Variants in NLRP5 observed in about 807,000 individuals in gnomAD.
NLRP5 encodes NACHT, LRR and PYD domains-containing protein 5.
A neutral mutation model predicts 113.1 loss-of-function variants in NLRP5; 93 were observed. The ratio of observed to expected loss-of-function variants is 0.82; its 90% CI spans 0.70 to 0.98. The LOEUF (loss-of-function observed/expected upper bound fraction) is 0.98. NLRP5 is among the 50% of genes least tolerant of loss of function. NLRP5 has a pLI of 0.00. For missense variants in NLRP5, 1,808 were observed against 1,514.3 expected, an observed-to-expected ratio of 1.19 and a Z score of -3.22; for synonymous variants, 751 against 600.7, an observed-to-expected ratio of 1.25 and a Z score of -3.66.
chr19:56,040,528 C>G (rs1016164989), intron 10 of NLRP5, among the ~76,000 whole-genome samples: 2 of 152,026 alleles, frequency 1.3e-5, no homozygotes, highest in African/African-American at 4.8e-5. Context: ...GATCATGCCA[C>G]TGCACTCCAG....
chr19:56,046,889 G>T (rs753760708), intron 11 of NLRP5, among the ~76,000 whole-genome samples: 1 of 152,170 alleles, frequency 6.6e-6, no homozygotes, highest in African/African-American at 2.4e-5. Flanking sequence ...TCCTGGACTT[G>T]TTGGTAATTT....
chr19:56,005,370 CAT>C (rs201524857), intron 2 of NLRP5, among the ~76,000 whole-genome samples: 6,992 of 144,896 alleles, frequency 0.048, 247 homozygotes, highest in South Asian at 0.081. Flanking sequence ...TATATACACA[CAT>C]ATATATTTAT....
rs750170824 is a variant in NLRP5, at chr19:56,003,714, A to C, written c.63-2A>C. Reference sequence around the variant, plus strand: ...GAATTTGCTGCAAGATCCTCTTTTAAGTCTTGTCACTCTTTCCACAGGTCC... The same window carrying C: ...GAATTTGCTGCAAGATCCTCTTTTACGTCTTGTCACTCTTTCCACAGGTCC... On this transcript the variant is annotated splice_acceptor_variant, in intron 1 of 14. Transcript: ENST00000390649. LOFTEE classifies it high-confidence loss of function. 6.3e-7 allele frequency: 1 copy of C among 1,585,884 alleles called. No homozygotes were observed. The highest frequency in any genetic ancestry group is 1.8e-5 in the Admixed American group (1 of 54,434).
At chr19:56,030,714 C>CTTCTTCTTTTTTTTTTTTTTTTT (rs1555767859) in intron 7 of NLRP5, among the ~76,000 whole-genome samples, 2 of 71,352 alleles carry the variant, frequency 2.8e-5, no homozygotes, top group African/African-American at 1.4e-4. Flanking sequence ...CTTTCTTCTT[C>CTTCTTCTTTTTTTTTTTTTTTTT]TTTTTTTTTT....
chr19:55,988,425 AAT>A, the NLRP5 span: 13 of 85,102 alleles, frequency 1.5e-4, no homozygotes, highest in East Asian at 6.6e-4. Flanking sequence ...TATACACATA[AAT>A]ATATATATGT....
chr19:56,027,092 A>G lies in NLRP5; in HGVS notation c.859A>G (p.Lys287Glu). The G allele has an allele frequency of 1.3e-6, 2 of 1,569,336 alleles. No individual in the cohort carries two copies. The highest frequency in any genetic ancestry group is 1.7e-6 in the Non-Finnish European group (2 of 1,157,278). ...GCCTCGCACGGTGGTTCTGCACGGA[A>G]AGTCAGGAATTGGGAAATCGGCTCT... Residue 287 changes from lysine (K) to glutamate (E), a missense_variant, in exon 7 of 15, where the codon AAG becomes GAG. Lys to Glu is a moderately conservative substitution (Grantham distance 56). Coordinates refer to ENST00000390649, the MANE Select transcript of NLRP5 (RefSeq NM_153447.4).
chr19:56,019,298 A>G (rs306428), intron 4 of NLRP5, 44 bp from the exon 5 acceptor site: 370,207 of 1,602,624 alleles, frequency 0.23, 44,714 homozygotes, highest in African/African-American at 0.38. Flanking sequence ...TCTCTGACTC[A>G]AATAATAAAC....
Position 56,058,366 on chromosome 19 carries a change from G to T in NLRP5, c.3426G>T (p.Leu1142=). 6.2e-7 allele frequency: 1 copy of T among 1,614,026 alleles called. No individual in the cohort carries two copies. The highest frequency in any genetic ancestry group is 8.5e-7 in the Non-Finnish European group (1 of 1,179,896). Reference sequence around the variant, plus strand: ...TCAGTCCCAAAGGAATGATGAAGCTGTGTTCGGCCTTTGCCTGTCCCACGT... The same window carrying T: ...TCAGTCCCAAAGGAATGATGAAGCTTTGTTCGGCCTTTGCCTGTCCCACGT... The change falls in exon 14 of 15, where the codon CTG becomes CTT. Residue 1142 remains leucine (L), a synonymous_variant. Coordinates refer to ENST00000390649, the MANE Select transcript of NLRP5 (RefSeq NM_153447.4).
At chr19:56,049,966 G>A (rs1033118861) in intron 11 of NLRP5, among the ~76,000 whole-genome samples, 2 of 152,002 alleles carry the variant, frequency 1.3e-5, no homozygotes, top group African/African-American at 4.8e-5. Context: ...TCTCATTTGG[G>A]TAGGTTCTGT....
At chr19:56,056,325 A>AG (rs373562224) in intron 13 of NLRP5, among the ~76,000 whole-genome samples, 2,159 of 152,228 alleles carry the variant, frequency 0.014, 55 homozygotes, top group African/African-American at 0.048. Context: ...TGGGAGGCTG[A>AG]GGGGGGTGGA....
chr19:56,013,320 G>A (rs1293997432), intron 3 of NLRP5, among the ~76,000 whole-genome samples: 1 of 152,088 alleles, frequency 6.6e-6, no homozygotes, highest in African/African-American at 2.4e-5. Flanking sequence ...AGCCTCCTGA[G>A]TAGCTGGGAC....
chr19:55,996,451 A>G (rs1285635171), upstream of NLRP5, among the ~76,000 whole-genome samples: 1 of 152,148 alleles, frequency 6.6e-6, no homozygotes, highest in Non-Finnish European at 1.5e-5. Context: ...TGCTGCACCC[A>G]TTAACTCATC....
In NLRP5 at chr19:56,056,793, G is replaced by A. The variant is rs189866025; in HGVS notation, c.3300-1447G>A. On this transcript the variant is annotated intron_variant, in intron 13 of 14. Coordinates refer to ENST00000390649, the MANE Select transcript of NLRP5 (RefSeq NM_153447.4). The stretch of plus-strand genomic sequence containing the variant: ...GCATTCAATCTTATCTCACCATCTC[G>A]CCATAGGTGGCTAAAACAACTTGAG... Among the ~76,000 whole-genome samples, 24 of 152,160 alleles carry A rather than the reference G, an allele frequency of 1.6e-4. No homozygotes were observed. In the East Asian group the frequency reaches 1.7e-3, roughly 11 times the overall value.
chr19:55,996,285 C>T (rs548959493), upstream of NLRP5, among the ~76,000 whole-genome samples: 1 of 152,106 alleles, frequency 6.6e-6, no homozygotes, highest in African/African-American at 2.4e-5. Context: ...CATACATGGC[C>T]TTTATTGTTC....
chr19:55,990,518 C>A, the NLRP5 span, among the ~76,000 whole-genome samples: 2 of 151,684 alleles, frequency 1.3e-5, no homozygotes, highest in African/African-American at 2.4e-5. Context: ...TGGCGAAATA[C>A]CCTGTCTACT....
At chr19:56,050,342 G>A in intron 11 of NLRP5, 76 bp from the exon 12 acceptor site, 1 of 1,384,114 alleles carries the variant, frequency 7.2e-7, no homozygotes, top group Non-Finnish European at 1.0e-6. Context: ...GCAGCTGGGA[G>A]GAGAGCAGCA....
chr19:56,013,382 CG>C (rs1335507954), intron 3 of NLRP5, among the ~76,000 whole-genome samples: 1 of 151,692 alleles, frequency 6.6e-6, no homozygotes, highest in Non-Finnish European at 1.5e-5. Flanking sequence ...TCAGTAGAGA[CG>C]GGGTTTCACA....
chr19:56,005,476 TAC>T lies in NLRP5; in HGVS notation c.442+1392_442+1393del, dbSNP rs370942099. 6.5e-4 allele frequency among the ~76,000 whole-genome samples: 95 copies of T among 146,324 alleles called. 1 individual carries two copies. The East Asian group carries it at 9.4e-3, about 14-fold the overall frequency. On this transcript the variant is annotated intron_variant, in intron 2 of 14. Transcript: ENST00000390649. ...TTTTATATACACACACACATATTTATACACACACACACGCAGGTGGCATGCCT... is the reference window on the plus strand; with the variant it reads ...TTTTATATACACACACACATATTTATACACACACACGCAGGTGGCATGCCT...
chr19:55,999,610 C>G (rs1029038850), upstream of NLRP5: 1 of 797,742 alleles, frequency 1.3e-6, no homozygotes, highest in African/African-American at 1.7e-5. Flanking sequence ...GACCGGCTCA[C>G]TTGTTGCTTC....
Sources: allele counts gnomAD v4.1 joint callset (sites outside exome capture counted in the v4.1 genomes callset), GRCh38; gene constraint gnomAD v4.1.1; transcripts MANE v1.5; gene names NCBI Gene and HGNC (gene_info 2026-07-23, HGNC 2026-07-21).